CCDC85A: variants seen among roughly 807,000 people sequenced by gnomAD.
CCDC85A encodes coiled-coil domain containing 85A.
In CCDC85A, 38 loss-of-function variants were observed where a neutral mutation model predicts 50.2. The ratio of observed to expected loss-of-function variants is 0.76; its 90% CI spans 0.58 to 0.99. The LOEUF is 0.99. Ranked by LOEUF, CCDC85A falls within the 50% of genes least tolerant of loss-of-function variation. The pLI is 0.00. For synonymous variants in CCDC85A, 366 were observed against 301.4 expected (o/e 1.21, Z -2.22); for missense variants, 820 against 742.0 (o/e 1.11, Z -1.22).
At chr2:56,278,904 C>G (rs1558620106) in intron 2 of CCDC85A, among the ~76,000 whole-genome samples, 1 of 152,160 alleles carries the variant, frequency 6.6e-6, no homozygotes, top group Non-Finnish European at 1.5e-5. Context: ...CTCATTTCTT[C>G]CAGGTTACTT....
At chr2:56,304,911 AC>A (rs1266638261) in intron 2 of CCDC85A, among the ~76,000 whole-genome samples, 12 of 145,652 alleles carry the variant, frequency 8.2e-5, no homozygotes, top group African/African-American at 2.9e-4. Context: ...AAAACAAAAA[AC>A]AAAAAACAAA....
At chr2:56,238,060 C>T (rs1669098340) in intron 2 of CCDC85A, among the ~76,000 whole-genome samples, 2 of 152,150 alleles carry the variant, frequency 1.3e-5, no homozygotes, top group Admixed American at 1.3e-4. Flanking sequence ...ACTTGAATCC[C>T]TGGTCCGCCT....
chr2:56,303,872 A>G (rs188365709), intron 2 of CCDC85A, among the ~76,000 whole-genome samples: 4 of 152,214 alleles, frequency 2.6e-5, no homozygotes, highest in Admixed American at 2.6e-4. Flanking sequence ...AGTGTCTCCT[A>G]ATGGAGATTG....
At chr2:56,307,905 C>T (rs1026677404) in intron 2 of CCDC85A, among the ~76,000 whole-genome samples, 11 of 152,180 alleles carry the variant, frequency 7.2e-5, no homozygotes, top group Admixed American at 3.9e-4. Flanking sequence ...CTAGGCTATG[C>T]ATGAGAATGC....
At chr2:56,207,327 A>G (rs1677000276) in intron 2 of CCDC85A, among the ~76,000 whole-genome samples, 1 of 152,144 alleles carries the variant, frequency 6.6e-6, no homozygotes, top group Admixed American at 6.5e-5. Flanking sequence ...ATTTATCCCT[A>G]GCACAGCTCC....
At chr2:56,320,861 C>A (rs973867399) in intron 2 of CCDC85A, among the ~76,000 whole-genome samples, 4 of 152,128 alleles carry the variant, frequency 2.6e-5, no homozygotes, top group Non-Finnish European at 5.9e-5. Flanking sequence ...AGACCAATAT[C>A]CCTGATGAAC....
intron 2 of CCDC85A, among the ~76,000 whole-genome samples, chr2:56,297,267 G>C (rs1319541306): frequency 6.6e-6 from 1 of 152,156 alleles, no homozygotes; most frequent in Non-Finnish European, 1.5e-5. Flanking sequence ...GGTATGCTAA[G>C]AGGACTGTGG....
intron 2 of CCDC85A, among the ~76,000 whole-genome samples, chr2:56,227,455 T>C (rs1573057191): frequency 1.3e-5 from 2 of 152,276 alleles, no homozygotes; most frequent in South Asian, 4.2e-4. Context: ...AAATGGACCA[T>C]GGCAGCAATA....
intron 2 of CCDC85A, among the ~76,000 whole-genome samples, chr2:56,325,910 G>C (rs1219876446): frequency 6.6e-6 from 1 of 152,128 alleles, no homozygotes. Flanking sequence ...AGGCACCACT[G>C]AACTGATTAA....
intron 2 of CCDC85A, among the ~76,000 whole-genome samples, chr2:56,202,084 T>C (rs1402607754): frequency 6.6e-6 from 1 of 152,164 alleles, no homozygotes; most frequent in East Asian, 1.9e-4. Flanking sequence ...AGACCCTAAA[T>C]GGAATAAGGA....
At chr2:56,347,328 T>G (rs1674678661) in intron 3 of CCDC85A, among the ~76,000 whole-genome samples, 3 of 152,214 alleles carry the variant, frequency 2.0e-5, no homozygotes, top group Admixed American at 1.3e-4. Flanking sequence ...CTTTCTAGCA[T>G]GTGCACAGTG....
intron 2 of CCDC85A, among the ~76,000 whole-genome samples, chr2:56,197,397 C>A (rs958611514): frequency 6.6e-6 from 1 of 152,116 alleles, no homozygotes; most frequent in African/African-American, 2.4e-5. Context: ...GGGAAAATTG[C>A]CCCTGGTTCA....
At chr2:56,190,983 G>A (rs1437108354) in intron 1 of CCDC85A, among the ~76,000 whole-genome samples, 1 of 152,146 alleles carries the variant, frequency 6.6e-6, no homozygotes, top group East Asian at 1.9e-4. Flanking sequence ...AGGCCCTGAT[G>A]CCTCTCAGAC....
intron 2 of CCDC85A, among the ~76,000 whole-genome samples, chr2:56,206,787 A>G (rs988281322): frequency 6.6e-6 from 1 of 152,204 alleles, no homozygotes; most frequent in Non-Finnish European, 1.5e-5. Context: ...TACAATGATC[A>G]GTGCTTGAGG....
chr2:56,209,052 A>C (rs1056026246), intron 2 of CCDC85A, among the ~76,000 whole-genome samples: 2 of 152,064 alleles, frequency 1.3e-5, no homozygotes, highest in Admixed American at 6.6e-5. Flanking sequence ...CATGGTGTCA[A>C]ATCTGGCCAT....
intron 2 of CCDC85A, among the ~76,000 whole-genome samples, chr2:56,228,778 C>T (rs180938078): frequency 2.4e-4 from 37 of 152,246 alleles, no homozygotes; most frequent in Non-Finnish European, 4.4e-4. Context: ...AGTGATCCGC[C>T]CGCCTCGGCC....
At chr2:56,357,903 A>G (rs1675317721) in intron 3 of CCDC85A, among the ~76,000 whole-genome samples, 1 of 152,118 alleles carries the variant, frequency 6.6e-6, no homozygotes, top group Non-Finnish European at 1.5e-5. Context: ...CATCCTGAGT[A>G]TCAGCTGGAG....
At chr2:56,328,801 C>G (rs1673607970) in intron 2 of CCDC85A, among the ~76,000 whole-genome samples, 1 of 152,114 alleles carries the variant, frequency 6.6e-6, no homozygotes, top group Non-Finnish European at 1.5e-5. Flanking sequence ...TGGCTGCTTT[C>G]TGCGCCACTG....
At chr2:56,361,599 G>A (rs970837759) in intron 3 of CCDC85A, among the ~76,000 whole-genome samples, 2 of 152,172 alleles carry the variant, frequency 1.3e-5, no homozygotes, top group African/African-American at 4.8e-5. Context: ...CTTGAATAAA[G>A]GAAGTATGGA....
Sources: gnomAD v4.1 joint callset for allele counts (sites outside exome capture counted in the v4.1 genomes callset) on GRCh38, gnomAD v4.1.1 for gene constraint, MANE v1.5 for transcripts, NCBI Gene and HGNC (gene_info 2026-07-23, HGNC 2026-07-21) for gene names.